The following DOCK1 variants were observed in gnomAD, a reference collection of about 807,000 sequenced individuals.
DOCK1 encodes dedicator of cytokinesis 1, also known as dedicator of cytokinesis protein 1.
A neutral mutation model predicts 262.7 loss-of-function variants in DOCK1; 138 were observed. That is an observed-to-expected ratio of 0.53 (90% CI 0.46 to 0.61). The LOEUF is 0.61. DOCK1 is among the 20% of genes least tolerant of loss of function. DOCK1 has a pLI of 0.00. For missense variants in DOCK1, 1,908 were observed against 2,370.7 expected (o/e 0.80, Z 4.05); for synonymous variants, 866 against 867.4 (o/e 1.00, Z 0.03).
intron 1 of DOCK1, among the ~76,000 whole-genome samples, chr10:126,928,230 G>T (rs888852898): frequency 6.6e-6 from 1 of 152,234 alleles, no homozygotes; most frequent in South Asian, 2.1e-4. Flanking sequence ...TGGAGGAACA[G>T]CATGAGCTCG....
At chr10:127,306,257 C>T (rs145285536) in intron 29 of DOCK1, among the ~76,000 whole-genome samples, 5,628 of 152,146 alleles carry the variant, frequency 0.037, 342 homozygotes, top group African/African-American at 0.13. Context: ...TCAGGTGATC[C>T]GCCTGCCTTG....
intron 1 of DOCK1, among the ~76,000 whole-genome samples, chr10:126,949,723 TA>T (rs2036022134): frequency 6.6e-6 from 1 of 152,178 alleles, no homozygotes; most frequent in Admixed American, 6.5e-5. Flanking sequence ...ATATTTCACC[TA>T]AAAAGGACTT....
chr10:127,354,981 G>T (rs948372748), intron 32 of DOCK1, among the ~76,000 whole-genome samples: 43 of 152,218 alleles, frequency 2.8e-4, no homozygotes, highest in African/African-American at 1.0e-3. Context: ...TGGACACGTG[G>T]CTTGGAGCTC....
At chr10:127,339,714 T>TGA (rs1244678740) in intron 30 of DOCK1, among the ~76,000 whole-genome samples, 1 of 68,666 alleles carries the variant, frequency 1.5e-5, no homozygotes, top group Non-Finnish European at 2.9e-5. Context: ...TGTGTGTGTG[T>TGA]GTGTGTGTGT....
chr10:127,023,378 G>A, intron 14 of DOCK1, 54 bp downstream of exon 14: 2 of 1,602,408 alleles, frequency 1.2e-6, no homozygotes, highest in Non-Finnish European at 8.5e-7. Flanking sequence ...CTTGCCAAGT[G>A]CTCACCTTGG....
chr10:127,297,737 G>A (rs1191927123), intron 29 of DOCK1, among the ~76,000 whole-genome samples: 2 of 152,046 alleles, frequency 1.3e-5, no homozygotes, highest in African/African-American at 2.4e-5. Flanking sequence ...AACCCTCATG[G>A]CACGAGCATG....
chr10:127,424,672 G>A (rs922149637), intron 46 of DOCK1, among the ~76,000 whole-genome samples: 5 of 152,208 alleles, frequency 3.3e-5, no homozygotes, highest in African/African-American at 7.2e-5. Flanking sequence ...TGAGTAAACC[G>A]CGGCTAGCCC....
chr10:127,000,829 TG>T (rs2040538951), intron 10 of DOCK1: 1 of 150,046 alleles, frequency 6.7e-6, no homozygotes, highest in Non-Finnish European at 1.4e-5. Context: ...TCTGCCATGT[TG>T]GTGCTCTTTC....
At chr10:127,146,234 A>G (rs927940814) in intron 27 of DOCK1, 14 of 238,582 alleles carry the variant, frequency 5.9e-5, no homozygotes, top group African/African-American at 3.0e-4. Flanking sequence ...TATCAGTATA[A>G]TTAGCCTTTC....
At chr10:127,084,306 A>G (rs541196711) in intron 23 of DOCK1, among the ~76,000 whole-genome samples, 8 of 152,232 alleles carry the variant, frequency 5.3e-5, no homozygotes, top group African/African-American at 1.9e-4. Context: ...CTCTGACCTT[A>G]TTTTTGTTAA....
At chr10:127,413,369 C>G (rs566509970) in intron 43 of DOCK1, among the ~76,000 whole-genome samples, 2 of 152,168 alleles carry the variant, frequency 1.3e-5, no homozygotes, top group Non-Finnish European at 2.9e-5. Flanking sequence ...ACAAAGTGTT[C>G]GGAAGCTGCA....
intron 27 of DOCK1, among the ~76,000 whole-genome samples, chr10:127,130,963 A>G (rs892201989): frequency 2.0e-5 from 3 of 151,994 alleles, no homozygotes; most frequent in Non-Finnish European, 4.4e-5. Context: ...GCACCTTTCT[A>G]TTTTCTATCA....
intron 4 of DOCK1, among the ~76,000 whole-genome samples, chr10:126,982,953 G>A (rs1449367058): frequency 6.6e-6 from 1 of 152,164 alleles, no homozygotes; most frequent in Non-Finnish European, 1.5e-5. Flanking sequence ...TATTTAAAAA[G>A]CACTTTGATG....
intron 28 of DOCK1, among the ~76,000 whole-genome samples, chr10:127,249,380 T>C (rs535868035): frequency 8.9e-5 from 11 of 123,856 alleles, no homozygotes; most frequent in East Asian, 4.7e-4. Flanking sequence ...TATACACATA[T>C]GTACATATAT....
chr10:127,371,693 T>C (rs926238663), intron 33 of DOCK1, among the ~76,000 whole-genome samples: 2 of 152,212 alleles, frequency 1.3e-5, no homozygotes, highest in African/African-American at 4.8e-5. Context: ...GTGTCTCTAT[T>C]ATTTGTCCTG....
At chr10:127,222,304 A>G (rs1412446664) in intron 27 of DOCK1, among the ~76,000 whole-genome samples, 2 of 152,302 alleles carry the variant, frequency 1.3e-5, no homozygotes, top group African/African-American at 4.8e-5. Flanking sequence ...AGCCTACTAA[A>G]TCACCTTTTC....
At chr10:127,385,864 C>T (rs2066086295) in intron 38 of DOCK1, among the ~76,000 whole-genome samples, 1 of 152,246 alleles carries the variant, frequency 6.6e-6, no homozygotes, top group Non-Finnish European at 1.5e-5. Context: ...GTTTCTGTCT[C>T]AGTCTCCTTC....
intron 13 of DOCK1, among the ~76,000 whole-genome samples, chr10:127,022,847 G>A (rs917646847): frequency 2.0e-5 from 3 of 152,144 alleles, no homozygotes; most frequent in East Asian, 1.9e-4. Flanking sequence ...GTAGCCAGCC[G>A]TCTAACAAGG....
intron 33 of DOCK1, among the ~76,000 whole-genome samples, chr10:127,365,527 G>T (rs1031375404): frequency 6.6e-6 from 1 of 152,172 alleles, no homozygotes; most frequent in African/African-American, 2.4e-5. Flanking sequence ...GTGAAAAATT[G>T]CTATTAAAGA....
Sources: gnomAD v4.1 joint callset for allele counts (sites outside exome capture counted in the v4.1 genomes callset) on GRCh38, gnomAD v4.1.1 for gene constraint, MANE v1.5 for transcripts, NCBI Gene and HGNC (gene_info 2026-07-23, HGNC 2026-07-21) for gene names.